Variants in RTN4RL1 observed in about 807,000 individuals in gnomAD.
RTN4RL1 encodes the protein reticulon 4 receptor like 1.
A neutral mutation model predicts 25.6 loss-of-function variants in RTN4RL1; 7 were observed. The observed-to-expected ratio is 0.27, with a 90% CI of 0.16 to 0.51. The LOEUF (loss-of-function observed/expected upper bound fraction) is 0.51, where lower values mean the gene tolerates loss of function less well. RTN4RL1 is among the 20% of genes least tolerant of loss of function. RTN4RL1 has a pLI of 0.97. For missense variants in RTN4RL1, 500 were observed against 615.6 expected (o/e 0.81, Z 1.99); for synonymous variants, 297 against 288.2 (o/e 1.03, Z -0.31).
intron 1 of RTN4RL1, among the ~76,000 whole-genome samples, chr17:1,947,023 T>C (rs1457837925): frequency 1.8e-5 from 1 of 55,712 alleles, no homozygotes; most frequent in Non-Finnish European, 5.7e-5. Flanking sequence ...AATGTGTCTG[T>C]GTGTGCACAT....
intron 1 of RTN4RL1, among the ~76,000 whole-genome samples, chr17:2,012,301 G>A (rs1025561704): frequency 4.6e-5 from 7 of 152,216 alleles, no homozygotes; most frequent in Non-Finnish European, 1.0e-4. Context: ...TGGTCCAGAA[G>A]GCCAGTCTTT....
chr17:1,996,330 A>G (rs1386548714), intron 1 of RTN4RL1, among the ~76,000 whole-genome samples: 1 of 152,194 alleles, frequency 6.6e-6, no homozygotes, highest in Non-Finnish European at 1.5e-5. Context: ...AACAGACACC[A>G]GGAGATGACC....
chr17:2,013,368 G>A (rs2067074295), intron 1 of RTN4RL1, among the ~76,000 whole-genome samples: 1 of 152,196 alleles, frequency 6.6e-6, no homozygotes, highest in Admixed American at 6.5e-5. Flanking sequence ...CCACAGCCCT[G>A]GCTTTGACCA....
rs1555519903 is a variant in RTN4RL1 at position 1,988,524 on chromosome 17, A to AAG, written c.13+36328_13+36329insCT. ...TCTGTCTCAAAAAAAAAAAAAAAAG[A>AAG]AAAGAAAAGAAAAAGAAAGAATTAA... On this transcript the variant is annotated intron_variant, in intron 1 of 1. Coordinates refer to ENST00000331238, the MANE Select transcript of RTN4RL1 (RefSeq NM_178568.4). Among the ~76,000 whole-genome samples, 226 of 85,534 alleles carry AAG rather than the reference A, an allele frequency of 2.6e-3. 3 individuals are homozygous for AAG. The highest frequency in any genetic ancestry group is 9.8e-3 in the African/African-American group (220 of 22,456). 56.1% of individuals were successfully genotyped at this position (85,534 alleles called of 152,430 possible). A position where few individuals can be genotyped will look rare whatever the true frequency, so the allele number is the denominator to read the frequency against.
At chr17:1,943,649 A>T (rs546240506) in intron 1 of RTN4RL1, among the ~76,000 whole-genome samples, 1 of 152,164 alleles carries the variant, frequency 6.6e-6, no homozygotes, top group Non-Finnish European at 1.5e-5. Flanking sequence ...GGCCGGCTGC[A>T]CTTGGGGCTG....
In RTN4RL1 at chr17:2,005,769, CTCTT is replaced by C. The variant is rs1407734606; in HGVS notation, c.13+19080_13+19083del. On this transcript the variant is annotated intron_variant, in intron 1 of 1. Coordinates refer to ENST00000331238, the MANE Select transcript of RTN4RL1 (RefSeq NM_178568.4). ...TCTCTCTCTCTCTCTCTCTCTCCTT[CTCTT>C]TCTTTTTTCTTTTATTTTTCTTTCT... Among the ~76,000 whole-genome samples, 121 of 150,120 alleles carry C rather than the reference CTCTT, an allele frequency of 8.1e-4. 4 individuals carry two copies. In the South Asian group the frequency reaches 0.024, roughly 30 times the overall value.
rs986080055 is a variant in RTN4RL1 at position 1,994,980 on chromosome 17, A to G, written c.13+29873T>C. 2.0e-5 allele frequency among the ~76,000 whole-genome samples: 3 copies of G among 151,804 alleles called. No individual in the cohort carries two copies. Among genetic ancestry groups the G allele is most frequent in the African/African-American group, 7.3e-5 (3 of 41,304 alleles). On this transcript the variant is annotated intron_variant, in intron 1 of 1. Coordinates refer to ENST00000331238, the MANE Select transcript of RTN4RL1 (RefSeq NM_178568.4). This position sits in a 1 kb window ranked among gnomAD's most constrained non-coding sequence, Gnocchi z 4.3. The stretch of plus-strand genomic sequence containing the variant: ...ATGAGATGACAGAGGCTGTCAACAG[A>G]TGGCCAGAAATACTCCCAAGGCCCT...
intron 1 of RTN4RL1, among the ~76,000 whole-genome samples, chr17:1,997,018 G>C (rs551072217): frequency 1.3e-5 from 2 of 152,222 alleles, no homozygotes; most frequent in East Asian, 3.9e-4. Context: ...ACCATCCCCC[G>C]CAACCAACCT....
At chr17:2,016,736 G>T (rs1473486864) in intron 1 of RTN4RL1, among the ~76,000 whole-genome samples, 1 of 152,212 alleles carries the variant, frequency 6.6e-6, no homozygotes, top group African/African-American at 2.4e-5. Flanking sequence ...GGGCTGCAGC[G>T]CCAGAGCATA....
intron 1 of RTN4RL1, among the ~76,000 whole-genome samples, chr17:2,024,572 C>T (rs2067249076): frequency 6.6e-6 from 1 of 152,196 alleles, no homozygotes; most frequent in African/African-American, 2.4e-5. Flanking sequence ...GCCGGCTCCC[C>T]TTCCACCACC....
intron 1 of RTN4RL1, among the ~76,000 whole-genome samples, chr17:1,967,136 C>A (rs938131175): frequency 6.7e-6 from 1 of 149,098 alleles, no homozygotes; most frequent in Non-Finnish European, 1.5e-5. Flanking sequence ...AGGCCCCAGG[C>A]TCCCGCCGCT....
At chr17:1,947,494 C>T (rs1006131705) in intron 1 of RTN4RL1, among the ~76,000 whole-genome samples, 1 of 152,198 alleles carries the variant, frequency 6.6e-6, no homozygotes. Context: ...CTTCAACTCC[C>T]GCCCTCCTCC....
At chr17:1,992,258 G>A (rs960240897) in intron 1 of RTN4RL1, among the ~76,000 whole-genome samples, 1 of 151,718 alleles carries the variant, frequency 6.6e-6, no homozygotes, top group Admixed American at 6.6e-5. Context: ...CAGCTACTTG[G>A]GGGGGCAGGA....
In RTN4RL1 at chr17:1,936,840, C is replaced by A; in HGVS notation, c.982G>T (p.Glu328Ter). The A allele has an allele frequency of 1.3e-6, 2 of 1,585,596 alleles. No individual in the cohort carries two copies. The highest frequency in any genetic ancestry group is 1.2e-5 in the South Asian group (1 of 86,660). ...GTGGGGCCGTGGGGTGAGTGGTGTT[C>A]CTTGCGGGCGGCCCTGTCGGTGGTG... is the stretch of plus-strand genomic sequence containing the variant. Reference protein sequence around the residue: ...LTTTDRAARKEHHSPHGPTRS... With the variant: ...LTTTDRAARK The change falls in exon 2 of 2, where the codon GAA (glutamate) becomes TAA (stop). Residue 328 changes from glutamate to a stop codon, truncating the protein, a stop_gained. Transcript: ENST00000331238. LOFTEE classifies it high-confidence loss of function.
chr17:1,983,031 C>T (rs886585004), intron 1 of RTN4RL1, among the ~76,000 whole-genome samples: 1 of 152,010 alleles, frequency 6.6e-6, no homozygotes, highest in Non-Finnish European at 1.5e-5. Context: ...ATGCTGAGAC[C>T]TCACATTCTT....
At chr17:1,986,056 G>A (rs987259184) in intron 1 of RTN4RL1, among the ~76,000 whole-genome samples, 2 of 151,952 alleles carry the variant, frequency 1.3e-5, no homozygotes, top group East Asian at 1.9e-4. Flanking sequence ...ACCAAGACAC[G>A]AACCACCTCT....
At position 1,935,556 on chromosome 17, in the gene RTN4RL1, C is replaced by G. The variant is rs1017654444; in HGVS notation, c.*940G>C. ...CAGGTCCCTTGGAGACTATCGTTGC[C>G]AGTTTGGGATTCTAGACAAAAATTC... is the stretch of plus-strand genomic sequence containing the variant. On this transcript the variant is annotated 3_prime_UTR_variant, in exon 2 of 2. Coordinates refer to ENST00000331238, the MANE Select transcript of RTN4RL1 (RefSeq NM_178568.4). 2.0e-6 allele frequency: 2 copies of G among 985,398 alleles called. No individual in the cohort carries two copies. The highest frequency in any genetic ancestry group is 3.5e-5 in the African/African-American group (2 of 57,158). The allele number at this position is 985,398 out of a possible 1,614,324, so 61.0% of individuals were successfully genotyped here.
chr17:1,975,451 G>C (rs910318804), intron 1 of RTN4RL1, among the ~76,000 whole-genome samples: 4 of 152,112 alleles, frequency 2.6e-5, no homozygotes, highest in Non-Finnish European at 4.4e-5. Flanking sequence ...AGGAGTTGGA[G>C]ACCAGCCTGG....
At chr17:2,002,073 G>C (rs2066961754) in intron 1 of RTN4RL1, among the ~76,000 whole-genome samples, 1 of 151,952 alleles carries the variant, frequency 6.6e-6, no homozygotes, top group Non-Finnish European at 1.5e-5. Context: ...ACAAGCATCG[G>C]AGGTTGGGGG....
Sources: gnomAD v4.1 joint callset for allele counts (sites outside exome capture counted in the v4.1 genomes callset) on GRCh38, gnomAD v4.1.1 for gene constraint, Gnocchi (gnomAD v3.1) non-coding constraint, MANE v1.5 for transcripts, NCBI Gene and HGNC (gene_info 2026-07-23, HGNC 2026-07-21) for gene names.